EPHA5: variants seen among roughly 807,000 people sequenced by gnomAD.
EPHA5 encodes ephrin type-A receptor 5.
Under a neutral mutation model 105.0 loss-of-function variants are expected in EPHA5, and 60 were observed. The ratio of observed to expected loss-of-function variants is 0.57; its 90% CI spans 0.46 to 0.71. The LOEUF (loss-of-function observed/expected upper bound fraction) is 0.71. Ranked by LOEUF, EPHA5 falls within the 30% of genes least tolerant of loss-of-function variation. The pLI is 0.00. For synonymous variants in EPHA5, 513 were observed against 449.1 expected (o/e 1.14, Z -1.80); for missense variants, 1,218 against 1,274.7 (o/e 0.96, Z 0.68).
intron 8 of EPHA5, among the ~76,000 whole-genome samples, chr4:65,389,674 A>T (rs1371808904): frequency 6.6e-6 from 1 of 152,050 alleles, no homozygotes; most frequent in African/African-American, 2.4e-5. Flanking sequence ...TTCAGGAAAA[A>T]TCAAGGGGAA....
At chr4:65,526,062 A>G (rs114518777) in intron 3 of EPHA5, among the ~76,000 whole-genome samples, 396 of 151,962 alleles carry the variant, frequency 2.6e-3, no homozygotes, top group African/African-American at 9.0e-3. Context: ...TACCGGGCAC[A>G]TGTTATTCAA....
At chr4:65,587,286 C>G (rs775138058) in intron 3 of EPHA5, among the ~76,000 whole-genome samples, 3 of 152,054 alleles carry the variant, frequency 2.0e-5, no homozygotes, top group Non-Finnish European at 4.4e-5. Flanking sequence ...GACAATGTCT[C>G]CTCCCTTATT....
intron 7 of EPHA5, among the ~76,000 whole-genome samples, chr4:65,407,963 C>T (rs1049284939): frequency 6.6e-6 from 1 of 151,920 alleles, no homozygotes; most frequent in Non-Finnish European, 1.5e-5. Flanking sequence ...AGGGGTTTCA[C>T]CATTTAGCCC....
intron 6 of EPHA5, among the ~76,000 whole-genome samples, chr4:65,419,463 C>CT (rs1252792233): frequency 1.3e-5 from 2 of 152,120 alleles, no homozygotes. Context: ...TCCTTCTCTT[C>CT]TTTTTTGGGA....
intron 3 of EPHA5, among the ~76,000 whole-genome samples, chr4:65,523,121 T>C (rs546843407): frequency 4.0e-4 from 61 of 152,110 alleles, no homozygotes; most frequent in African/African-American, 1.4e-3. Context: ...AAACGATATA[T>C]ATTATTTAAT....
At chr4:65,396,172 A>T (rs1721216024) in intron 8 of EPHA5, among the ~76,000 whole-genome samples, 1 of 152,216 alleles carries the variant, frequency 6.6e-6, no homozygotes, top group African/African-American at 2.4e-5. Flanking sequence ...AGCAAAGTTG[A>T]GGATAAGCTT....
intron 1 of EPHA5, among the ~76,000 whole-genome samples, chr4:65,662,944 A>T (rs1251980502): frequency 6.6e-6 from 1 of 152,130 alleles, no homozygotes; most frequent in Non-Finnish European, 1.5e-5. Flanking sequence ...AAAGGCATGA[A>T]CATTTTATCA....
chr4:65,577,106 C>A (rs1327049303), intron 3 of EPHA5, among the ~76,000 whole-genome samples: 2 of 152,280 alleles, frequency 1.3e-5, no homozygotes, highest in East Asian at 3.9e-4. Flanking sequence ...AGCTAAGAAT[C>A]ATTTTTGAAA....
At chr4:65,550,938 T>G (rs1737835645) in intron 3 of EPHA5, among the ~76,000 whole-genome samples, 1 of 152,076 alleles carries the variant, frequency 6.6e-6, no homozygotes, top group African/African-American at 2.4e-5. Context: ...TGGAGATTCC[T>G]ACTAGATTAC....
chr4:65,532,079 G>A (rs1004613490), intron 3 of EPHA5, among the ~76,000 whole-genome samples: 6 of 152,092 alleles, frequency 3.9e-5, no homozygotes, highest in South Asian at 2.1e-4. Context: ...ACACTAGGCA[G>A]GATAAATGTG....
At chr4:65,458,669 G>A (rs1727843222) in intron 5 of EPHA5, among the ~76,000 whole-genome samples, 1 of 152,004 alleles carries the variant, frequency 6.6e-6, no homozygotes, top group African/African-American at 2.4e-5. Context: ...ACTCATTGAA[G>A]ACAGAAATTT....
intron 5 of EPHA5, among the ~76,000 whole-genome samples, chr4:65,435,413 A>T (rs917325987): frequency 6.6e-6 from 1 of 152,126 alleles, no homozygotes; most frequent in African/African-American, 2.4e-5. Context: ...TGGTTTTTTC[A>T]TCTTCAAAGG....
At chr4:65,643,301 T>G in intron 2 of EPHA5, 62 bp downstream of exon 2, 1 of 1,293,766 alleles carries the variant, frequency 7.7e-7, no homozygotes, top group South Asian at 1.2e-5. Context: ...ATTCCTGTGT[T>G]ACAAGTATCA....
intron 3 of EPHA5, among the ~76,000 whole-genome samples, chr4:65,503,012 A>G (rs1732647896): frequency 6.6e-6 from 1 of 151,842 alleles, no homozygotes; most frequent in Non-Finnish European, 1.5e-5. Flanking sequence ...CTGATGCAGG[A>G]ACAGAAAACC....
At chr4:65,601,560 C>T in intron 3 of EPHA5, 81 bp downstream of exon 3, 1 of 1,316,696 alleles carries the variant, frequency 7.6e-7, no homozygotes, top group Non-Finnish European at 1.0e-6. Context: ...AAGGTCATTT[C>T]CTCATAATCA....
chr4:65,650,190 T>C (rs2149526510), intron 1 of EPHA5, among the ~76,000 whole-genome samples: 1 of 152,260 alleles, frequency 6.6e-6, no homozygotes, highest in Middle Eastern at 3.4e-3. Flanking sequence ...ATCTTCTCTA[T>C]ACAGAAGTAA....
chr4:65,595,044 T>C lies in EPHA5; in HGVS notation c.910+6597A>G, dbSNP rs536338591. On this transcript the variant is annotated intron_variant, in intron 3 of 16. Transcript: ENST00000613740. ...ATGAGACATACATAAAATTAATGTA[T>C]TAAAATAGATTTCTGCACTGGAAGC... Among the ~76,000 whole-genome samples the C allele has an allele frequency of 3.9e-4, 60 of 152,164 alleles. 1 individual carries two copies. The highest frequency in any genetic ancestry group is 7.9e-4 in the Admixed American group (12 of 15,282).
chr4:65,326,031 CATATATATATGTATAT>C (rs1457834552), intron 16 of EPHA5, among the ~76,000 whole-genome samples: 2 of 146,232 alleles, frequency 1.4e-5, no homozygotes, highest in Non-Finnish European at 3.0e-5. Context: ...ATATATATCT[CATATATATATGTATAT>C]ATATGTATAT....
chr4:65,602,073 C>T lies in EPHA5; in HGVS notation c.478G>A (p.Asp160Asn), dbSNP rs774667775. ...TCCTTGATGTTTCTCCCATTCTGAT[C>T]ATCTGACTCAAAGTAATACATATTA... Reference protein sequence around the residue: ...TFNMYYFESDDQNGRNIKENQ... With the variant: ...TFNMYYFESDNQNGRNIKENQ... The change falls in exon 3 of 17, where the codon GAT becomes AAT. Residue 160 changes from aspartate (D) to asparagine (N), a missense_variant. Coordinates refer to ENST00000613740, the MANE Select transcript of EPHA5 (RefSeq NM_001281766.3). 5.6e-6 allele frequency: 9 copies of T among 1,614,116 alleles called. No individual in the cohort carries two copies. Among genetic ancestry groups the T allele is most frequent in the Admixed American group, 3.3e-5 (2 of 60,010 alleles).
Sources: allele counts gnomAD v4.1 joint callset (sites outside exome capture counted in the v4.1 genomes callset), GRCh38; gene constraint gnomAD v4.1.1; transcripts MANE v1.5; gene names NCBI Gene and HGNC (gene_info 2026-07-23, HGNC 2026-07-21).